Variants in WWC2 observed in about 807,000 individuals in gnomAD.
The protein encoded by WWC2 is protein WWC2.
Under a neutral mutation model 138.5 loss-of-function variants are expected in WWC2, and 101 were observed. The ratio of observed to expected loss-of-function variants is 0.73; its 90% confidence interval spans 0.62 to 0.86. The LOEUF (loss-of-function observed/expected upper bound fraction) is 0.86, where lower values mean the gene tolerates loss of function less well. WWC2 is among the 40% of genes least tolerant of loss of function. WWC2 has a pLI of 0.00. For synonymous variants in WWC2, 558 were observed against 538.4 expected (o/e 1.04, Z -0.50); for missense variants, 1,420 against 1,419.4 (o/e 1.00, Z -0.01).
chr4:183,295,678 GTTT>G (rs1738606393), intron 21 of WWC2, among the ~76,000 whole-genome samples: 1 of 152,284 alleles, frequency 6.6e-6, no homozygotes, highest in African/African-American at 2.4e-5. Context: ...TTCTGAAACA[GTTT>G]TCTGCTGTTT....
At chr4:183,188,000 C>A (rs1734865250) in intron 1 of WWC2, among the ~76,000 whole-genome samples, 1 of 152,086 alleles carries the variant, frequency 6.6e-6, no homozygotes, top group Non-Finnish European at 1.5e-5. Context: ...TAATAGACAA[C>A]TAATAAAATT....
chr4:183,134,321 A>T (rs181988749), intron 1 of WWC2, among the ~76,000 whole-genome samples: 6,349 of 143,514 alleles, frequency 0.044, 165 homozygotes, highest in African/African-American at 0.071. Flanking sequence ...TGATTTTACT[A>T]TTTTTTTTTT....
At chr4:183,284,726 T>C (rs976667667) in intron 19 of WWC2, among the ~76,000 whole-genome samples, 2 of 152,216 alleles carry the variant, frequency 1.3e-5, no homozygotes, top group Non-Finnish European at 2.9e-5. Flanking sequence ...ATGTGGTCTG[T>C]ATATTTCTGT....
chr4:183,280,230 T>G (rs936913515), intron 16 of WWC2, among the ~76,000 whole-genome samples: 1 of 49,400 alleles, frequency 2.0e-5, no homozygotes, highest in Non-Finnish European at 5.1e-5. Context: ...ATAGCAGCTG[T>G]TTTTTTTTTT....
At chr4:183,142,768 G>A (rs1357052809) in intron 1 of WWC2, among the ~76,000 whole-genome samples, 1 of 152,232 alleles carries the variant, frequency 6.6e-6, no homozygotes, top group Non-Finnish European at 1.5e-5. Flanking sequence ...TGTGGCGTAT[G>A]TTCTGGCTTA....
intron 2 of WWC2, among the ~76,000 whole-genome samples, chr4:183,204,970 TG>T (rs1735405128): frequency 6.6e-6 from 1 of 152,276 alleles, no homozygotes; most frequent in Non-Finnish European, 1.5e-5. Flanking sequence ...AGTATTTTAT[TG>T]TATGGATATA....
intron 21 of WWC2, among the ~76,000 whole-genome samples, chr4:183,307,504 C>T (rs908425079): frequency 2.6e-5 from 4 of 152,138 alleles, no homozygotes; most frequent in Admixed American, 6.5e-5. Flanking sequence ...AACTACAGCC[C>T]TATATCTCTT....
chr4:183,105,474 A>G (rs1019322531), intron 1 of WWC2, among the ~76,000 whole-genome samples: 18 of 152,222 alleles, frequency 1.2e-4, no homozygotes, highest in African/African-American at 4.3e-4. Flanking sequence ...AGGAGTTACT[A>G]AATTAGCAGG....
chr4:183,251,013 T>C (rs1736963112), intron 8 of WWC2, among the ~76,000 whole-genome samples: 1 of 152,216 alleles, frequency 6.6e-6, no homozygotes, highest in Non-Finnish European at 1.5e-5. Flanking sequence ...CCTCACTTCC[T>C]GAAAGAAACC....
intron 9 of WWC2, among the ~76,000 whole-genome samples, chr4:183,254,546 A>C (rs1737080495): frequency 6.6e-6 from 1 of 152,146 alleles, no homozygotes; most frequent in African/African-American, 2.4e-5. Flanking sequence ...TTTCTCTGGG[A>C]AGGTGTGAGT....
intron 1 of WWC2, among the ~76,000 whole-genome samples, chr4:183,111,879 G>T (rs532079322): frequency 7.9e-5 from 12 of 151,718 alleles, no homozygotes; most frequent in South Asian, 6.3e-4. Context: ...TGTACTTTTT[G>T]TAGAGTCAGG....
At chr4:183,209,945 C>T (rs1735551166) in intron 4 of WWC2, among the ~76,000 whole-genome samples, 1 of 152,188 alleles carries the variant, frequency 6.6e-6, no homozygotes, top group Non-Finnish European at 1.5e-5. Context: ...GCCTCATGAG[C>T]ACTGAGGGTT....
At chr4:183,285,932 T>C (rs1308308915) in intron 19 of WWC2, 35 bp from the exon 20 acceptor site, 2 of 1,540,946 alleles carry the variant, frequency 1.3e-6, no homozygotes, top group East Asian at 2.4e-5. Context: ...CTGTTTGATA[T>C]GCAGTGATTT....
chr4:183,260,131 G>T (rs1180164706), intron 10 of WWC2, among the ~76,000 whole-genome samples: 1 of 152,188 alleles, frequency 6.6e-6, no homozygotes, highest in Non-Finnish European at 1.5e-5. Context: ...GGTCTTTTGT[G>T]TGACTTCTTT....
At chr4:183,304,600 C>A (rs1738964357) in intron 21 of WWC2, among the ~76,000 whole-genome samples, 4 of 152,144 alleles carry the variant, frequency 2.6e-5, no homozygotes, top group Non-Finnish European at 5.9e-5. Context: ...CTCTAGCCCC[C>A]TCTAGTCTTC....
chr4:183,257,080 C>T (rs956015748), intron 9 of WWC2, among the ~76,000 whole-genome samples: 7 of 152,150 alleles, frequency 4.6e-5, no homozygotes, highest in Non-Finnish European at 7.3e-5. Flanking sequence ...ATGCATCTTT[C>T]GTATTCTTCC....
At chr4:183,140,857 C>G (rs1290134233) in intron 1 of WWC2, among the ~76,000 whole-genome samples, 1 of 151,752 alleles carries the variant, frequency 6.6e-6, no homozygotes, top group Non-Finnish European at 1.5e-5. Flanking sequence ...AGCATAGACT[C>G]TAGAGTGAGA....
intron 1 of WWC2, among the ~76,000 whole-genome samples, chr4:183,146,169 C>T (rs182527799): frequency 1.3e-5 from 2 of 152,290 alleles, no homozygotes; most frequent in East Asian, 3.9e-4. Flanking sequence ...CTTTCTCCCT[C>T]CAGGTCTGAG....
intron 1 of WWC2, among the ~76,000 whole-genome samples, chr4:183,109,777 C>G (rs1434282354): frequency 6.6e-6 from 1 of 152,102 alleles, no homozygotes; most frequent in African/African-American, 2.4e-5. Context: ...GATTTGGACT[C>G]TAGGTACTGT....
Sources: allele counts gnomAD v4.1 joint callset (sites outside exome capture counted in the v4.1 genomes callset), GRCh38; gene constraint gnomAD v4.1.1; transcripts MANE v1.5; gene names NCBI Gene and HGNC (gene_info 2026-07-23, HGNC 2026-07-21).